CDKL4: variants seen among roughly 807,000 people sequenced by gnomAD.
CDKL4 encodes cyclin dependent kinase like 4, also known as cyclin-dependent kinase-like 4.
A neutral mutation model predicts 42.0 loss-of-function variants in CDKL4; 44 were observed. The observed-to-expected ratio is 1.05, with a 90% confidence interval of 0.82 to 1.35. The LOEUF (loss-of-function observed/expected upper bound fraction) is 1.35, where lower values mean the gene tolerates loss of function less well. Among genes scored for constraint, CDKL4 ranks in the 40% most tolerant of loss-of-function variants. CDKL4 has a pLI of 0.00. For synonymous variants in CDKL4, 120 were observed against 121.6 expected (o/e 0.99, Z 0.09); for missense variants, 393 against 369.9 (o/e 1.06, Z -0.51).
At chr2:39,197,824 A>C (rs983523916) in intron 5 of CDKL4, among the ~76,000 whole-genome samples, 2 of 150,518 alleles carry the variant, frequency 1.3e-5, no homozygotes, top group Non-Finnish European at 2.9e-5. Flanking sequence ...GCACTATAGG[A>C]ACTGTTAAAA....
At chr2:39,217,084 G>A (rs1418088822) in intron 3 of CDKL4, among the ~76,000 whole-genome samples, 1 of 152,234 alleles carries the variant, frequency 6.6e-6, no homozygotes, top group Admixed American at 6.5e-5. Context: ...ACATCGACGC[G>A]GCGCCCAGTC....
chr2:39,168,213 T>C, the CDKL4 span, among the ~76,000 whole-genome samples: 2 of 152,018 alleles, frequency 1.3e-5, no homozygotes, highest in South Asian at 2.1e-4. Context: ...AACTAACATA[T>C]AGCTACGACT....
chr2:39,216,662 G>A (rs1030676133), intron 3 of CDKL4, among the ~76,000 whole-genome samples: 3 of 152,148 alleles, frequency 2.0e-5, no homozygotes, highest in African/African-American at 4.8e-5. Context: ...AGGGACTAGC[G>A]AGGGTGGAGT....
At chr2:39,179,448 A>C in intron 8 of CDKL4, 127 bp from the exon 9 acceptor site, 1 of 715,678 alleles carries the variant, frequency 1.4e-6, no homozygotes, top group East Asian at 2.8e-5. Flanking sequence ...TGTATTATCA[A>C]GTAGTTGGAG....
Position 39,198,967 on chromosome 2 carries a change from G to A in CDKL4, c.454+5560C>T, listed in dbSNP as rs1676684024. 5.3e-5 allele frequency among the ~76,000 whole-genome samples: 8 copies of A among 151,676 alleles called. No homozygotes were observed. The South Asian group carries it at 1.7e-3, about 32-fold the overall frequency. ...AAAAACAAACGTAAACCCAGCAGAA[G>A]AAAAGAAATAACCAAGATCAGAGCA... is the stretch of plus-strand genomic sequence containing the variant. On this transcript the variant is annotated intron_variant, in intron 5 of 9. Coordinates refer to ENST00000451199, the Ensembl canonical transcript of CDKL4.
chr2:39,242,101 A>C (rs1679692219), intron 1 of CDKL4, among the ~76,000 whole-genome samples: 1 of 150,632 alleles, frequency 6.6e-6, no homozygotes, highest in Non-Finnish European at 1.5e-5. Context: ...GCTGGAGTGC[A>C]GTGGCACGAT....
intron 5 of CDKL4, among the ~76,000 whole-genome samples, chr2:39,191,739 T>G (rs945598226): frequency 6.6e-6 from 1 of 152,232 alleles, no homozygotes; most frequent in Admixed American, 6.5e-5. Flanking sequence ...TGCCCAGCCC[T>G]GCCCTATGCC....
intron 1 of CDKL4, among the ~76,000 whole-genome samples, chr2:39,230,669 T>G (rs1419357032): frequency 1.3e-5 from 2 of 152,308 alleles, no homozygotes; most frequent in East Asian, 3.9e-4. Flanking sequence ...CCCACCCCAC[T>G]TTATCCAGCA....
Position 39,213,587 on chromosome 2 carries a change from G to A in CDKL4, c.291-115C>T, listed in dbSNP as rs991796838. 2.4e-5 allele frequency: 13 copies of A among 540,996 alleles called. No individual in the cohort carries two copies. The Admixed American group carries it at 2.4e-4, about 10-fold the overall frequency. 33.5% of individuals were successfully genotyped at this position (540,996 alleles called of 1,614,324 possible). A position where few individuals can be genotyped will look rare whatever the true frequency, so the allele number is the denominator to read the frequency against. On this transcript the variant is annotated intron_variant, in intron 3 of 9. Transcript: ENST00000451199. ...TGTCCTCTTCAAGGAACACCATGCG[G>A]AAGGGTCCTAAAAATATATTTTAGT... is the stretch of plus-strand genomic sequence containing the variant.
chr2:39,206,729 GCA>G (rs1677221203), intron 4 of CDKL4, among the ~76,000 whole-genome samples: 1 of 152,172 alleles, frequency 6.6e-6, no homozygotes, highest in African/African-American at 2.4e-5. Context: ...TTTCATCCTT[GCA>G]ACAATCCTGT....
At chr2:39,180,941 G>A (rs568828095) in intron 8 of CDKL4, among the ~76,000 whole-genome samples, 4 of 152,064 alleles carry the variant, frequency 2.6e-5, no homozygotes, top group Non-Finnish European at 5.9e-5. Context: ...TGCCCACCTC[G>A]GCCTCCCAGT....
In CDKL4 at chr2:39,200,342, C is replaced by T. The variant is rs144774391; in HGVS notation, c.454+4185G>A. Among the ~76,000 whole-genome samples the T allele has an allele frequency of 9.7e-4, 148 of 152,192 alleles. 1 individual carries two copies. The highest frequency in any genetic ancestry group is 6.9e-3 in the East Asian group (36 of 5,184). On this transcript the variant is annotated intron_variant, in intron 5 of 9. Coordinates refer to ENST00000451199, the Ensembl canonical transcript of CDKL4. The stretch of plus-strand genomic sequence containing the variant: ...CATTGCTGAAAGAAATCATAGATGA[C>T]ACAAACAAATGGAAACACATCCTAT...
chr2:39,231,327 A>C (rs1679083472), intron 1 of CDKL4, among the ~76,000 whole-genome samples: 1 of 152,232 alleles, frequency 6.6e-6, no homozygotes, highest in Non-Finnish European at 1.5e-5. Context: ...ACTACTTGTA[A>C]ATTTCTCTTG....
chr2:39,195,555 T>TA (rs1676457762), intron 5 of CDKL4, among the ~76,000 whole-genome samples: 1 of 152,216 alleles, frequency 6.6e-6, no homozygotes, highest in South Asian at 2.1e-4. Context: ...TGCATATCCC[T>TA]AATGATTACC....
At chr2:39,204,280 G>T (rs1558562078) in intron 5 of CDKL4, among the ~76,000 whole-genome samples, 1 of 152,188 alleles carries the variant, frequency 6.6e-6, no homozygotes, top group Non-Finnish European at 1.5e-5. Context: ...GAACAGAAAT[G>T]CTTTTAGAAA....
intron 9 of CDKL4, chr2:39,178,522 C>T: frequency 6.5e-7 from 1 of 1,548,466 alleles, no homozygotes; most frequent in Non-Finnish European, 8.7e-7. Context: ...AGCCCTGAAC[C>T]AAAACAAACC....
chr2:39,224,614 G>C (rs1262833719), intron 3 of CDKL4, among the ~76,000 whole-genome samples: 2 of 149,598 alleles, frequency 1.3e-5, no homozygotes, highest in African/African-American at 4.9e-5. Flanking sequence ...AGCAATCATC[G>C]TGCCTCAGCC....
At chr2:39,197,716 G>A (rs1454624943) in intron 5 of CDKL4, among the ~76,000 whole-genome samples, 4 of 152,134 alleles carry the variant, frequency 2.6e-5, no homozygotes, top group African/African-American at 9.7e-5. Flanking sequence ...TATCAGCCAA[G>A]AATTTTGTAT....
At chr2:39,178,719 G>A in intron 9 of CDKL4, 4 of 1,609,144 alleles carry the variant, frequency 2.5e-6, no homozygotes, top group Non-Finnish European at 1.7e-6. Context: ...GCAGATCTTG[G>A]TTTTGAGAAA....
Sources: gnomAD v4.1 joint callset for allele counts (sites outside exome capture counted in the v4.1 genomes callset) on GRCh38, gnomAD v4.1.1 for gene constraint, MANE v1.5 for transcripts, NCBI Gene and HGNC (gene_info 2026-07-23, HGNC 2026-07-21) for gene names.